The following CTNND2 variants were observed in gnomAD, a reference collection of about 807,000 sequenced individuals.
CTNND2 encodes catenin delta 2, also known as catenin delta-2.
A neutral mutation model predicts 144.4 loss-of-function variants in CTNND2; 22 were observed. The observed-to-expected ratio is 0.15, with a 90% CI of 0.11 to 0.22. The LOEUF (loss-of-function observed/expected upper bound fraction) is 0.22, where lower values mean the gene tolerates loss of function less well. Ranked by LOEUF, CTNND2 falls within the 10% of genes least tolerant of loss-of-function variation. CTNND2 has a pLI of 1.00. For missense variants in CTNND2, 1,353 were observed against 1,618.8 expected (o/e 0.84, Z 2.82); for synonymous variants, 751 against 695.6 (o/e 1.08, Z -1.25).
intron 10 of CTNND2, among the ~76,000 whole-genome samples, chr5:11,213,981 AT>A (rs1239931692): frequency 3.3e-5 from 5 of 152,152 alleles, no homozygotes; most frequent in Non-Finnish European, 5.9e-5. Flanking sequence ...TTTTATTCCA[AT>A]TTAAAGCTTG....
chr5:11,365,039 A>T, intron 7 of CTNND2, 149 bp from the exon 8 acceptor site: 1 of 658,108 alleles, frequency 1.5e-6, no homozygotes, highest in Non-Finnish European at 2.6e-6. Flanking sequence ...CAATATGTCA[A>T]CCTAATCAGC....
Position 11,679,322 on chromosome 5 carries a change from T to G in CTNND2, c.174+52814A>C, listed in dbSNP as rs1057151594. 3.9e-5 allele frequency among the ~76,000 whole-genome samples: 6 copies of G among 152,220 alleles called. No individual in the cohort carries two copies. In the South Asian group the frequency reaches 8.3e-4, roughly 21 times the overall value. On this transcript the variant is annotated intron_variant, in intron 2 of 21. Transcript: ENST00000304623. Reference sequence around the variant, plus strand: ...TCAGGTGGTATTTACTGAGTACCTATATGGGCCAGGCCTTGTGCTAAACCC... The same window carrying G: ...TCAGGTGGTATTTACTGAGTACCTAGATGGGCCAGGCCTTGTGCTAAACCC...
At chr5:11,431,124 T>A (rs186959876) in intron 3 of CTNND2, among the ~76,000 whole-genome samples, 10 of 152,288 alleles carry the variant, frequency 6.6e-5, no homozygotes, top group African/African-American at 9.6e-5. Flanking sequence ...TAGTAGAGGA[T>A]TTTTATGGAC....
intron 1 of CTNND2, among the ~76,000 whole-genome samples, chr5:11,742,643 T>C (rs1441009775): frequency 6.6e-6 from 1 of 152,160 alleles, no homozygotes; most frequent in African/African-American, 2.4e-5. Context: ...AATAATGAAA[T>C]ATGGCATTAG....
At chr5:11,367,667 CT>C (rs1757106255) in intron 7 of CTNND2, among the ~76,000 whole-genome samples, 1 of 152,190 alleles carries the variant, frequency 6.6e-6, no homozygotes, top group Non-Finnish European at 1.5e-5. Flanking sequence ...GAAAATTCAA[CT>C]TTGTCTAAAA....
chr5:11,731,267 A>T (rs886389149), intron 2 of CTNND2, among the ~76,000 whole-genome samples: 3 of 152,208 alleles, frequency 2.0e-5, no homozygotes, highest in Admixed American at 1.3e-4. Context: ...GTTTCCACTC[A>T]TGAAACAGAA....
chr5:11,028,730 GCAGGGTCT>G (rs1489082975), intron 16 of CTNND2, among the ~76,000 whole-genome samples: 11 of 151,916 alleles, frequency 7.2e-5, no homozygotes, highest in African/African-American at 2.4e-4. Flanking sequence ...TTTTTTCCAA[GCAGGGTCT>G]CATTCTGTCA....
At chr5:11,330,914 G>A (rs1753083725) in intron 9 of CTNND2, among the ~76,000 whole-genome samples, 1 of 152,040 alleles carries the variant, frequency 6.6e-6, no homozygotes, top group Non-Finnish European at 1.5e-5. Context: ...AGTTCCTAGA[G>A]GCCCATTTTA....
At chr5:11,770,191 T>C (rs1456377332) in intron 1 of CTNND2, among the ~76,000 whole-genome samples, 3 of 151,970 alleles carry the variant, frequency 2.0e-5, no homozygotes, top group South Asian at 4.2e-4. Flanking sequence ...ATCACAGACA[T>C]AGGGAGAGAC....
At chr5:11,877,886 C>A (rs948241438) in intron 1 of CTNND2, among the ~76,000 whole-genome samples, 2 of 152,086 alleles carry the variant, frequency 1.3e-5, no homozygotes, top group African/African-American at 4.8e-5. Flanking sequence ...TTATTAACAT[C>A]AAGTTTCATT....
At chr5:11,114,827 A>G (rs1753382429) in intron 13 of CTNND2, among the ~76,000 whole-genome samples, 1 of 152,144 alleles carries the variant, frequency 6.6e-6, no homozygotes, top group South Asian at 2.1e-4. Flanking sequence ...CTCACCCTCA[A>G]TTTGTCATTG....
At chr5:11,694,831 C>A (rs968306987) in intron 2 of CTNND2, among the ~76,000 whole-genome samples, 1 of 152,052 alleles carries the variant, frequency 6.6e-6, no homozygotes, top group African/African-American at 2.4e-5. Context: ...CCAATCAGTA[C>A]GTGCTGAAAA....
At chr5:11,443,173 TTGTG>T (rs1318149154) in intron 3 of CTNND2, among the ~76,000 whole-genome samples, 3 of 146,052 alleles carry the variant, frequency 2.1e-5, no homozygotes, top group African/African-American at 7.6e-5. Flanking sequence ...TTAAATATGT[TTGTG>T]TGGTGTGTGG....
chr5:11,128,738 T>A (rs1345129701), intron 12 of CTNND2, among the ~76,000 whole-genome samples: 1 of 41,798 alleles, frequency 2.4e-5, no homozygotes, highest in Admixed American at 3.7e-4. Context: ...ATAATATATA[T>A]ATTTATATAT....
intron 1 of CTNND2, among the ~76,000 whole-genome samples, chr5:11,796,906 T>C (rs1358607333): frequency 6.6e-6 from 1 of 152,176 alleles, no homozygotes; most frequent in East Asian, 1.9e-4. Flanking sequence ...AAAAGCAAAT[T>C]ATCAAGGAAT....
At chr5:11,480,924 C>A (rs1768195308) in intron 3 of CTNND2, among the ~76,000 whole-genome samples, 1 of 152,056 alleles carries the variant, frequency 6.6e-6, no homozygotes, top group Non-Finnish European at 1.5e-5. Context: ...CCCTGCCAAG[C>A]CCTGCTGGAG....
intron 10 of CTNND2, among the ~76,000 whole-genome samples, chr5:11,218,604 C>T (rs200743766): frequency 3.3e-5 from 5 of 152,190 alleles, no homozygotes; most frequent in Non-Finnish European, 7.3e-5. Context: ...GATGACAGTA[C>T]TGTAAGCCCC....
intron 2 of CTNND2, among the ~76,000 whole-genome samples, chr5:11,569,720 G>A (rs1318460985): frequency 6.6e-6 from 1 of 152,070 alleles, no homozygotes; most frequent in Non-Finnish European, 1.5e-5. Flanking sequence ...CAATTGTTAA[G>A]TCTTAACAAT....
chr5:11,794,418 C>T (rs946671844), intron 1 of CTNND2, among the ~76,000 whole-genome samples: 28 of 152,250 alleles, frequency 1.8e-4, no homozygotes, highest in Admixed American at 7.2e-4. Context: ...AAATTGTGTG[C>T]GCAGATGCTA....
Sources: gnomAD v4.1 joint callset for allele counts (sites outside exome capture counted in the v4.1 genomes callset) on GRCh38, gnomAD v4.1.1 for gene constraint, MANE v1.5 for transcripts, NCBI Gene and HGNC (gene_info 2026-07-23, HGNC 2026-07-21) for gene names.